The following MAPK10 variants were observed in gnomAD, a reference collection of about 807,000 sequenced individuals.
The protein encoded by MAPK10 is mitogen-activated protein kinase 10, also known as JNK3 alpha protein kinase.
In MAPK10, 25 loss-of-function variants were observed where a neutral mutation model predicts 59.3. The ratio of observed to expected loss-of-function variants is 0.42; its 90% CI spans 0.31 to 0.59. The LOEUF is 0.59. Among genes scored for constraint, MAPK10 ranks in the 20% least tolerant of loss-of-function variants. The pLI is 0.15. For synonymous variants in MAPK10, 190 were observed against 200.5 expected, an observed-to-expected ratio of 0.95 and a Z score of 0.44; for missense variants, 351 against 568.9, an observed-to-expected ratio of 0.62 and a Z score of 3.90.
intron 9 of MAPK10, among the ~76,000 whole-genome samples, chr4:86,075,710 G>T (rs1481270853): frequency 2.6e-5 from 4 of 152,134 alleles, no homozygotes. Flanking sequence ...CTTCTCGGGG[G>T]TCAGGGGTCA....
At chr4:86,572,693 G>A (rs1431633657) in intron 1 of MAPK10, among the ~76,000 whole-genome samples, 1 of 152,186 alleles carries the variant, frequency 6.6e-6, no homozygotes, top group African/African-American at 2.4e-5. Context: ...AATTGCACAG[G>A]TCTCATGCTC....
chr4:86,480,152 C>T (rs1753482253), intron 1 of MAPK10, among the ~76,000 whole-genome samples: 1 of 152,170 alleles, frequency 6.6e-6, no homozygotes, highest in African/African-American at 2.4e-5. Flanking sequence ...TGAAGAATCA[C>T]AAAAGAAGTG....
At chr4:86,360,281 C>T (rs1328287280), upstream of MAPK10, 1 of 812,752 alleles carries the variant, frequency 1.2e-6, no homozygotes, top group East Asian at 1.2e-4. Context: ...TCAGCAACTA[C>T]GACATCAAGG....
At chr4:86,583,746 A>T (rs1762469971) in intron 1 of MAPK10, among the ~76,000 whole-genome samples, 2 of 152,220 alleles carry the variant, frequency 1.3e-5, no homozygotes, top group South Asian at 4.1e-4. Flanking sequence ...CTTGGGGCCA[A>T]TAGTCTTTCT....
intron 1 of MAPK10, among the ~76,000 whole-genome samples, chr4:86,451,385 C>G (rs563846860): frequency 6.6e-6 from 1 of 152,118 alleles, no homozygotes; most frequent in African/African-American, 2.4e-5. Flanking sequence ...GAGACCTTCA[C>G]CAAACTACCT....
chr4:86,221,313 G>A (rs934299783), intron 2 of MAPK10, among the ~76,000 whole-genome samples: 2 of 152,122 alleles, frequency 1.3e-5, no homozygotes, highest in African/African-American at 4.8e-5. Context: ...CAAAATGTGG[G>A]AGGAAAAAGC....
chr4:86,288,565 T>C (rs941536215), intron 2 of MAPK10, among the ~76,000 whole-genome samples: 7 of 152,056 alleles, frequency 4.6e-5, no homozygotes, highest in African/African-American at 9.7e-5. Context: ...GCTTAATGCA[T>C]TGGGGAAACA....
rs76126094 is a variant in MAPK10 at position 86,566,525 on chromosome 4, C to A, written c.-263+27385G>T. ...GGTCAGGAATTCTAGACCAGCCTGG[C>A]CAACATGGTGAAACCCTGTCTCTAC... On this transcript the variant is annotated intron_variant, in intron 1 of 4. Transcript: ENST00000502302. Among the ~76,000 whole-genome samples, 785 of 152,016 alleles carry A rather than the reference C, an allele frequency of 5.2e-3. 18 individuals carry two copies. The East Asian group carries it at 0.062, about 12-fold the overall frequency.
chr4:86,350,206 C>A (rs1730491791), intron 2 of MAPK10, among the ~76,000 whole-genome samples: 1 of 151,574 alleles, frequency 6.6e-6, no homozygotes, highest in Admixed American at 6.6e-5. Flanking sequence ...TGCCCACCAC[C>A]ATGTCCAGAT....
intron 1 of MAPK10, among the ~76,000 whole-genome samples, chr4:86,479,400 C>T (rs1283347553): frequency 6.6e-6 from 1 of 151,692 alleles, no homozygotes; most frequent in Non-Finnish European, 1.5e-5. Context: ...ATTTGAGCTC[C>T]TGTATAGACG....
chr4:86,570,125 A>ATG (rs569915451), intron 1 of MAPK10, among the ~76,000 whole-genome samples: 69 of 152,282 alleles, frequency 4.5e-4, no homozygotes, highest in African/African-American at 1.5e-3. Context: ...AGCACCTATA[A>ATG]TGTGCCAGGT....
upstream of MAPK10, among the ~76,000 whole-genome samples, chr4:86,455,442 A>C (rs757573028): frequency 9.9e-5 from 15 of 152,194 alleles, no homozygotes; most frequent in Admixed American, 9.2e-4. Flanking sequence ...ACATAAATTT[A>C]AGGTAAAGGG....
intron 1 of MAPK10, chr4:86,358,217 A>G (rs1440990963): frequency 2.0e-6 from 2 of 985,246 alleles, no homozygotes; most frequent in Non-Finnish European, 2.4e-6. Flanking sequence ...CCTAAAGTAG[A>G]AAATTCACAG....
At chr4:86,489,833 T>C (rs1053544476) in intron 1 of MAPK10, among the ~76,000 whole-genome samples, 3 of 151,890 alleles carry the variant, frequency 2.0e-5, no homozygotes, top group East Asian at 1.9e-4. Context: ...AAAATTAATC[T>C]TTCTCCACCA....
intron 1 of MAPK10, among the ~76,000 whole-genome samples, chr4:86,551,862 C>G (rs1759817156): frequency 6.6e-6 from 1 of 152,292 alleles, no homozygotes; most frequent in African/African-American, 2.4e-5. Flanking sequence ...GCCTCAGCCT[C>G]CCAAAGTGCT....
Position 86,490,468 on chromosome 4 carries a change from C to A in MAPK10, c.-263+103442G>T, listed in dbSNP as rs569863404. On this transcript the variant is annotated intron_variant, in intron 1 of 4. Coordinates refer to the MAPK10 transcript ENST00000502302. ...ATCCTACTACTTTGAAAAGTAAATT[C>A]AATTAATGCGAGATCAGATGGCCCA... Among the ~76,000 whole-genome samples the A allele has an allele frequency of 3.7e-4, 56 of 152,272 alleles. 1 individual carries two copies. The South Asian group carries it at 0.011, about 30-fold the overall frequency.
chr4:86,517,070 C>T (rs1756723799), intron 1 of MAPK10, among the ~76,000 whole-genome samples: 2 of 152,006 alleles, frequency 1.3e-5, no homozygotes, highest in Non-Finnish European at 2.9e-5. Context: ...GCTTTTATTA[C>T]CTTAAGGTAT....
chr4:86,455,153 C>T (rs1319953390), upstream of MAPK10, among the ~76,000 whole-genome samples: 1 of 152,088 alleles, frequency 6.6e-6, no homozygotes, highest in Non-Finnish European at 1.5e-5. Flanking sequence ...TGAAACATAT[C>T]CTAGAAACAC....
At chr4:86,428,604 C>G (rs181744276) in intron 1 of MAPK10, among the ~76,000 whole-genome samples, 258 of 152,316 alleles carry the variant, frequency 1.7e-3, no homozygotes, top group Middle Eastern at 6.8e-3. Context: ...AGATAGACAA[C>G]TTTTCTCATT....
Sources: gnomAD v4.1 joint callset for allele counts (sites outside exome capture counted in the v4.1 genomes callset) on GRCh38, gnomAD v4.1.1 for gene constraint, MANE v1.5 for transcripts, NCBI Gene and HGNC (gene_info 2026-07-23, HGNC 2026-07-21) for gene names.